Variants in KPNA1 observed in about 807,000 individuals in gnomAD.
KPNA1 encodes the protein importin subunit alpha-5.
KPNA1 carries 10 observed loss-of-function variants against 70.5 expected under a neutral mutation model. That is an observed-to-expected ratio of 0.14 (90% CI 0.09 to 0.24). KPNA1 has a LOEUF of 0.24. Ranked by LOEUF, KPNA1 falls within the 10% of genes least tolerant of loss-of-function variation. The pLI is 1.00. For missense variants in KPNA1, 397 were observed against 637.9 expected (o/e 0.62, Z 4.07); for synonymous variants, 192 against 221.9 (o/e 0.87, Z 1.20).
intron 10 of KPNA1, among the ~76,000 whole-genome samples, chr3:122,441,542 C>T (rs1560021568): frequency 6.6e-6 from 1 of 151,870 alleles, no homozygotes; most frequent in Non-Finnish European, 1.5e-5. Flanking sequence ...CCCCAAACTA[C>T]TACAAGCAAC....
chr3:122,489,057 CGTGTGTGTGTGTGT>C (rs34002370), intron 2 of KPNA1, among the ~76,000 whole-genome samples: 1 of 130,728 alleles, frequency 7.6e-6, no homozygotes, highest in Admixed American at 8.7e-5. Flanking sequence ...TTTTTGCGTG[CGTGTGTGTGTGTGT>C]GTGTGTGTGT....
chr3:122,439,862 T>C (rs1186581790), intron 10 of KPNA1, among the ~76,000 whole-genome samples: 5 of 152,126 alleles, frequency 3.3e-5, no homozygotes, highest in African/African-American at 1.2e-4. Flanking sequence ...AGACACCACA[T>C]GTAACTGCAA....
intron 2 of KPNA1, among the ~76,000 whole-genome samples, chr3:122,469,593 C>T (rs1191375379): frequency 6.6e-6 from 1 of 152,136 alleles, no homozygotes; most frequent in East Asian, 1.9e-4. Flanking sequence ...TCTCTTCCTC[C>T]CCAGTTCATC....
At chr3:122,468,784 A>G (rs943071170) in intron 2 of KPNA1, among the ~76,000 whole-genome samples, 2 of 152,242 alleles carry the variant, frequency 1.3e-5, no homozygotes, top group Non-Finnish European at 2.9e-5. Flanking sequence ...AAAGAAATGC[A>G]AGAGATCAAC....
At chr3:122,475,856 A>G (rs554760115) in intron 2 of KPNA1, among the ~76,000 whole-genome samples, 2 of 152,374 alleles carry the variant, frequency 1.3e-5, no homozygotes, top group African/African-American at 4.8e-5. Context: ...AAATATAGTT[A>G]CAATTCATAA....
rs76122873 is a variant in KPNA1, at chr3:122,504,250, C to G, written c.-5-7680G>C. ...AGGCTGGAAAGTCCAAATCAAGACC[C>G]TGGCTAATTCAGTATCTGGTGAGGA... On this transcript the variant is annotated intron_variant, in intron 1 of 13. Transcript: ENST00000344337. Among the ~76,000 whole-genome samples, 432 of 152,278 alleles carry G rather than the reference C, an allele frequency of 2.8e-3. 4 individuals are homozygous for G. Among genetic ancestry groups the G allele is most frequent in the African/African-American group, 9.4e-3 (389 of 41,546 alleles).
chr3:122,500,681 A>G (rs774775545), intron 1 of KPNA1, among the ~76,000 whole-genome samples: 5 of 151,850 alleles, frequency 3.3e-5, no homozygotes, highest in Admixed American at 3.3e-4. Flanking sequence ...CTGGGGGGCT[A>G]GGGGGATAGA....
intron 9 of KPNA1, among the ~76,000 whole-genome samples, chr3:122,447,796 CCTT>C (rs1157109760): frequency 5.9e-5 from 9 of 152,166 alleles, no homozygotes; most frequent in South Asian, 4.1e-4. Context: ...CCCCAAATCT[CCTT>C]GAGCTGATAA....
chr3:122,422,050 C>A lies in KPNA1; in HGVS notation c.*4935G>T, dbSNP rs1161233310. On this transcript the variant is annotated 3_prime_UTR_variant, in exon 14 of 14. Transcript: ENST00000344337. Reference sequence around the variant, plus strand: ...GTACAAAGAATCATTAGAGCCATTCCAAATCTAAGTGTCAGAACACTTTGA... The same window carrying A: ...GTACAAAGAATCATTAGAGCCATTCAAAATCTAAGTGTCAGAACACTTTGA... 1 of 152,188 alleles carries A rather than the reference C, an allele frequency of 6.6e-6. No individual in the cohort carries two copies. Among genetic ancestry groups the A allele is most frequent in the Admixed American group, 6.5e-5 (1 of 15,284 alleles). The allele number at this position is 152,188 out of a possible 1,614,324, so 9.4% of individuals were successfully genotyped here. A position where few individuals can be genotyped will look rare whatever the true frequency, so the allele number is the denominator to read the frequency against.
intron 8 of KPNA1, 150 bp downstream of exon 8, chr3:122,451,384 A>C (rs2076200784): frequency 1.9e-6 from 1 of 537,988 alleles, no homozygotes; most frequent in African/African-American, 1.9e-5. Flanking sequence ...GAACCAACAA[A>C]AACAACAACA....
At chr3:122,497,290 T>C (rs2076775258) in intron 1 of KPNA1, among the ~76,000 whole-genome samples, 1 of 152,212 alleles carries the variant, frequency 6.6e-6, no homozygotes, top group African/African-American at 2.4e-5. Context: ...CTGAATAATA[T>C]TCCATTCTAT....
At chr3:122,497,300 T>C (rs1350949975) in intron 1 of KPNA1, among the ~76,000 whole-genome samples, 1 of 152,228 alleles carries the variant, frequency 6.6e-6, no homozygotes, top group Admixed American at 6.5e-5. Context: ...TTCCATTCTA[T>C]ATATATACCC....
In KPNA1 at chr3:122,437,061, G is replaced by A; in HGVS notation, c.1122+109C>T. 6 of 1,097,130 alleles carry A rather than the reference G, an allele frequency of 5.5e-6. No individual in the cohort carries two copies. The East Asian group carries it at 1.5e-4, about 27-fold the overall frequency. 68.0% of individuals were successfully genotyped at this position (1,097,130 alleles called of 1,614,324 possible). A position where few individuals can be genotyped will look rare whatever the true frequency, so the allele number is the denominator to read the frequency against. ...TCCCAGAGTGCTGGGATTACAGGCA[G>A]GAGCCACCGCACCCAGCCAAAAACA... On this transcript the variant is annotated intron_variant, in intron 11 of 13. Transcript: ENST00000344337.
intron 11 of KPNA1, among the ~76,000 whole-genome samples, chr3:122,434,528 T>G (rs903613372): frequency 7.9e-5 from 12 of 152,196 alleles, no homozygotes; most frequent in Non-Finnish European, 1.5e-4. Flanking sequence ...AAACACATCA[T>G]CTGCCCGCTA....
chr3:122,461,185 G>A (rs1443012086), intron 5 of KPNA1, 39 bp downstream of exon 5: 5 of 1,279,962 alleles, frequency 3.9e-6, no homozygotes, highest in Non-Finnish European at 5.5e-6. Flanking sequence ...TTTTCAAAAG[G>A]AATTAAGTTA....
At position 122,449,740 on chromosome 3, in the gene KPNA1, G is replaced by A. The variant is rs374214712; in HGVS notation, c.754-3C>T. Reference sequence around the variant, plus strand: ...AGCACATTCAGACATGGAGAAACCTGTAAAAGGAAAATGATGATTATGAAA... The same window carrying A: ...AGCACATTCAGACATGGAGAAACCTATAAAAGGAAAATGATGATTATGAAA... On this transcript the variant is annotated splice_region_variant and splice_polypyrimidine_tract_variant and intron_variant, in intron 8 of 13. Coordinates refer to ENST00000344337, the MANE Select transcript of KPNA1 (RefSeq NM_002264.4). The A allele has an allele frequency of 2.5e-5, 40 of 1,600,456 alleles. No individual in the cohort carries two copies. Among genetic ancestry groups the A allele is most frequent in the Non-Finnish European group, 3.3e-5 (39 of 1,175,738 alleles).
At chr3:122,427,389 T>C (rs2075836579) in intron 13 of KPNA1, 149 bp downstream of exon 13, 6 of 799,312 alleles carry the variant, frequency 7.5e-6, no homozygotes, top group Non-Finnish European at 9.7e-6. Flanking sequence ...TAAATACATA[T>C]GCAAGTAATA....
At chr3:122,473,000 G>A (rs2076459612) in intron 2 of KPNA1, among the ~76,000 whole-genome samples, 2 of 152,228 alleles carry the variant, frequency 1.3e-5, no homozygotes, top group African/African-American at 2.4e-5. Context: ...AGAATCACCT[G>A]GACCCGGGAG....
intron 3 of KPNA1, 21 bp downstream of exon 3, chr3:122,467,301 G>A (rs1192209268): frequency 7.6e-7 from 1 of 1,324,372 alleles, no homozygotes. Context: ...CAAAAACACT[G>A]AAAAGAGTTC....
Sources: allele counts gnomAD v4.1 joint callset (sites outside exome capture counted in the v4.1 genomes callset), GRCh38; gene constraint gnomAD v4.1.1; transcripts MANE v1.5; gene names NCBI Gene and HGNC (gene_info 2026-07-23, HGNC 2026-07-21).